CST7: variants seen among roughly 807,000 people sequenced by gnomAD.
The protein encoded by CST7 is cystatin F, also known as cystatin-F.
CST7 carries 15 observed loss-of-function variants against 13.1 expected under a neutral mutation model. The ratio of observed to expected loss-of-function variants is 1.14; its 90% CI spans 0.77 to 1.76. CST7 has a LOEUF of 1.76. CST7 is among the 40% of genes most tolerant of loss of function. The pLI is 0.00. For synonymous variants in CST7, 75 were observed against 66.9 expected (o/e 1.12, Z -0.59); for missense variants, 193 against 178.8 (o/e 1.08, Z -0.45).
chr20:24,956,880 T>C (rs1406888500), intron 1 of CST7, among the ~76,000 whole-genome samples: 2 of 150,706 alleles, frequency 1.3e-5, no homozygotes, highest in Non-Finnish European at 1.5e-5. Flanking sequence ...AACACTTACG[T>C]TGGAAATAAC....
rs6138429 is a variant in CST7, at chr20:24,949,512, G to A, written c.7G>A (p.Ala3Thr). 1.9e-6 allele frequency: 3 copies of A among 1,614,152 alleles called. No homozygotes were observed. Among genetic ancestry groups the A allele is most frequent in the Middle Eastern group, 1.6e-4 (1 of 6,062 alleles). MR[A>T]AGTLLAFCCL... Reference sequence around the variant, plus strand: ...TGTCCCTACCCGGGCAGCCATGCGAGCGGCTGGAACTCTGCTGGCCTTCTG... The same window carrying A: ...TGTCCCTACCCGGGCAGCCATGCGAACGGCTGGAACTCTGCTGGCCTTCTG... Residue 3 changes from alanine to threonine, a missense_variant, in exon 1 of 4, where the codon GCG (alanine) becomes ACG (threonine). By Grantham distance (58) the Ala-to-Thr change is moderately conservative (BLOSUM62 0). Transcript: ENST00000480798.
intron 1 of CST7, among the ~76,000 whole-genome samples, chr20:24,950,339 G>T (rs1449583718): frequency 6.6e-6 from 1 of 152,246 alleles, no homozygotes. Flanking sequence ...GACAGAAGGG[G>T]GCTGGAGCCT....
At chr20:24,957,838 T>C (rs1407050841) in intron 2 of CST7, among the ~76,000 whole-genome samples, 1 of 152,134 alleles carries the variant, frequency 6.6e-6, no homozygotes, top group Non-Finnish European at 1.5e-5. Flanking sequence ...TCACCCGGCC[T>C]CACCCCTCAC....
intron 1 of CST7, among the ~76,000 whole-genome samples, chr20:24,955,446 C>CTTT (rs777745036): frequency 6.9e-4 from 92 of 133,392 alleles, no homozygotes; most frequent in African/African-American, 2.4e-3. Context: ...GGCCTAAAGT[C>CTTT]TTTTTTTTTT....
In CST7 at chr20:24,951,861, G is replaced by A. The variant is rs183399355; in HGVS notation, c.70+2286G>A. ...TCAATCTGATGGGCATCTCTTCTGG[G>A]AAGCTCTGCCAGGTGCCATGTCATC... On this transcript the variant is annotated intron_variant, in intron 1 of 3. Coordinates refer to ENST00000480798, the MANE Select transcript of CST7 (RefSeq NM_003650.4). 1.5e-3 allele frequency among the ~76,000 whole-genome samples: 227 copies of A among 152,298 alleles called. 1 individual carries two copies. The highest frequency in any genetic ancestry group is 5.4e-3 in the African/African-American group (224 of 41,552).
At position 24,959,370 on chromosome 20, in the gene CST7, A is replaced by G. The variant is rs2087880973; in HGVS notation, c.361-265A>G. Among the ~76,000 whole-genome samples, 3 of 152,190 alleles carry G rather than the reference A, an allele frequency of 2.0e-5. 1 individual carries two copies. Among genetic ancestry groups the G allele is most frequent in the South Asian group, 4.1e-4 (2 of 4,830 alleles). Reference sequence around the variant, plus strand: ...AATTATATATGTATCATATACATACATATGATATGTATCATATGTATATCA... The same window carrying G: ...AATTATATATGTATCATATACATACGTATGATATGTATCATATGTATATCA... On this transcript the variant is annotated intron_variant, in intron 3 of 3. Coordinates refer to ENST00000480798, the MANE Select transcript of CST7 (RefSeq NM_003650.4).
chr20:24,959,359 CAT>C (rs1372067360), intron 3 of CST7, among the ~76,000 whole-genome samples: 1 of 152,068 alleles, frequency 6.6e-6, no homozygotes, highest in Non-Finnish European at 1.5e-5. Flanking sequence ...ATATATGTAT[CAT>C]ATACATACAT....
intron 1 of CST7, among the ~76,000 whole-genome samples, chr20:24,954,547 T>C (rs1416991737): frequency 1.3e-5 from 2 of 152,172 alleles, no homozygotes; most frequent in Non-Finnish European, 2.9e-5. Context: ...AAACAAATCA[T>C]CCTAAAAATA....
chr20:24,959,054 C>T lies in CST7; in HGVS notation c.360+10C>T. 6.3e-7 allele frequency: 1 copy of T among 1,598,020 alleles called. No homozygotes were observed. Among genetic ancestry groups the T allele is most frequent in the African/African-American group, 1.3e-5 (1 of 74,740 alleles). ...CCACACCTTGAAGCAGGTAAAGCAGCAGGCCCTTCTCTCAGATGTGCCCTC... is the reference window on the plus strand; with the variant it reads ...CCACACCTTGAAGCAGGTAAAGCAGTAGGCCCTTCTCTCAGATGTGCCCTC... On this transcript the variant is annotated intron_variant, in intron 3 of 3. Transcript: ENST00000480798.
At chr20:24,952,707 C>T (rs1409418591) in intron 1 of CST7, among the ~76,000 whole-genome samples, 2 of 152,230 alleles carry the variant, frequency 1.3e-5, no homozygotes, top group Non-Finnish European at 1.5e-5. Context: ...AGTACTGGCC[C>T]ATGGAAAGGG....
rs529258564 is a variant in CST7 at position 24,949,703 on chromosome 20, T to A, written c.70+128T>A. The A allele has an allele frequency of 7.9e-6, 10 of 1,259,292 alleles. No homozygotes were observed. In the South Asian group the frequency reaches 1.5e-4, roughly 18 times the overall value. 78.0% of individuals were successfully genotyped at this position (1,259,292 alleles called of 1,614,324 possible). On this transcript the variant is annotated intron_variant, in intron 1 of 3. Coordinates refer to ENST00000480798, the MANE Select transcript of CST7 (RefSeq NM_003650.4). ...CACAGGACCATGCGGTGGTGAGAGG[T>A]GCTGGGAGTGGTGAGAGGGGCAAGG...
intron 3 of CST7, 90 bp from the exon 4 acceptor site, chr20:24,959,545 A>C: frequency 6.8e-6 from 8 of 1,177,732 alleles, no homozygotes; most frequent in South Asian, 1.2e-5. Context: ...GGGCAGGAGA[A>C]GAGCTCCTCC....
chr20:24,950,709 C>CCTT (rs35645714), intron 1 of CST7, among the ~76,000 whole-genome samples: 14,573 of 152,150 alleles, frequency 0.096, 796 homozygotes, highest in African/African-American at 0.12. Context: ...AGCTTGGGAG[C>CCTT]CTTCTTAGCT....
chr20:24,949,754 TG>T (rs2087808595), intron 1 of CST7, among the ~76,000 whole-genome samples, 179 bp downstream of exon 1: 1 of 152,070 alleles, frequency 6.6e-6, no homozygotes, highest in South Asian at 2.1e-4. Context: ...CAGCTACCTT[TG>T]GGGGTAGCAG....
chr20:24,958,337 G>A (rs1326367066), intron 2 of CST7, among the ~76,000 whole-genome samples: 1 of 152,128 alleles, frequency 6.6e-6, no homozygotes, highest in Non-Finnish European at 1.5e-5. Context: ...CCCTGGTTCT[G>A]AGTCCTTGGG....
At position 24,959,679 on chromosome 20, in the gene CST7, G is replaced by A; in HGVS notation, c.405G>A (p.Gln135=). ...AAGTCTGGGTCGTGCCCTGGCTCCA[G>A]CACTTCGAGGTGCCTGTTCTCCGTT... is the stretch of plus-strand genomic sequence containing the variant. ...YSEVWVVPWL[Q]HFEVPVLRCH Residue 135 remains glutamine (Q), a synonymous_variant, in exon 4 of 4, where the codon CAG becomes CAA. Coordinates refer to ENST00000480798, the MANE Select transcript of CST7 (RefSeq NM_003650.4). 1 of 1,614,114 alleles carries A rather than the reference G, an allele frequency of 6.2e-7. No homozygotes were observed.
chr20:24,959,108 T>C, intron 3 of CST7, 64 bp downstream of exon 3: 1 of 1,288,052 alleles, frequency 7.8e-7, no homozygotes. Flanking sequence ...CTCCCAGGAC[T>C]GTGAAAAACA....
chr20:24,951,092 T>TCCC (rs2087816032), intron 1 of CST7, among the ~76,000 whole-genome samples: 1 of 152,080 alleles, frequency 6.6e-6, no homozygotes, highest in Non-Finnish European at 1.5e-5. Context: ...TGGGTGGTGT[T>TCCC]CCCGGCCCCT....
intron 1 of CST7, among the ~76,000 whole-genome samples, chr20:24,953,905 C>T (rs1055347720): frequency 6.6e-6 from 1 of 152,156 alleles, no homozygotes; most frequent in South Asian, 2.1e-4. Flanking sequence ...TCACCACCAT[C>T]ACCCTCTGCA....
Sources: gnomAD v4.1 joint callset for allele counts (sites outside exome capture counted in the v4.1 genomes callset) on GRCh38, gnomAD v4.1.1 for gene constraint, MANE v1.5 for transcripts, NCBI Gene and HGNC (gene_info 2026-07-23, HGNC 2026-07-21) for gene names.